COMMD10: variants seen among roughly 807,000 people sequenced by gnomAD.
The protein encoded by COMMD10 is COMM domain containing 10, also known as COMM domain-containing protein 10.
A neutral mutation model predicts 28.9 loss-of-function variants in COMMD10; 33 were observed. The observed-to-expected ratio is 1.14, with a 90% CI of 0.87 to 1.53. COMMD10 has a LOEUF of 1.53. Ranked by LOEUF, COMMD10 falls within the 40% of genes most tolerant of loss-of-function variation. The pLI, the probability that COMMD10 is intolerant of heterozygous loss-of-function variation, is 0.00. For synonymous variants in COMMD10, 110 were observed against 81.7 expected, an observed-to-expected ratio of 1.35 and a Z score of -1.87; for missense variants, 310 against 233.4, an observed-to-expected ratio of 1.33 and a Z score of -2.14.
At chr5:116,157,953 T>G (rs1215195245) in intron 5 of COMMD10, among the ~76,000 whole-genome samples, 2 of 151,164 alleles carry the variant, frequency 1.3e-5, no homozygotes, top group Non-Finnish European at 2.9e-5. Flanking sequence ...TTTTTTTTTT[T>G]TAGTCAACCA....
intron 5 of COMMD10, among the ~76,000 whole-genome samples, chr5:116,290,532 A>C (rs1751335667): frequency 6.6e-6 from 1 of 151,884 alleles, no homozygotes; most frequent in African/African-American, 2.4e-5. Flanking sequence ...TTGTAAATAG[A>C]AATGGAAATC....
intron 5 of COMMD10, among the ~76,000 whole-genome samples, chr5:116,137,717 A>G (rs1000512707): frequency 6.6e-6 from 1 of 151,972 alleles, no homozygotes; most frequent in Non-Finnish European, 1.5e-5. Context: ...GTGAAGTTTT[A>G]ATTGCTATCA....
chr5:116,193,899 G>A (rs577286371), intron 5 of COMMD10, among the ~76,000 whole-genome samples: 117 of 152,110 alleles, frequency 7.7e-4, no homozygotes, highest in Admixed American at 7.6e-3. Flanking sequence ...TTCCAAGATA[G>A]ACCATATAAT....
chr5:116,162,525 A>G (rs934432522), intron 5 of COMMD10, among the ~76,000 whole-genome samples: 84 of 152,340 alleles, frequency 5.5e-4, no homozygotes, highest in African/African-American at 1.9e-3. Context: ...GACTGCTACT[A>G]CATAGTAGCA....
intron 5 of COMMD10, among the ~76,000 whole-genome samples, chr5:116,251,829 A>G (rs1750127873): frequency 6.6e-6 from 1 of 152,142 alleles, no homozygotes; most frequent in African/African-American, 2.4e-5. Context: ...TGGCTGGATC[A>G]CATGGTATTT....
At chr5:116,221,059 T>G (rs983242246) in intron 5 of COMMD10, among the ~76,000 whole-genome samples, 8 of 150,274 alleles carry the variant, frequency 5.3e-5, no homozygotes. Flanking sequence ...TATGAAACAT[T>G]AAGTTTTCCC....
chr5:116,168,110 A>G (rs1339153047), intron 5 of COMMD10, among the ~76,000 whole-genome samples: 4 of 149,346 alleles, frequency 2.7e-5, no homozygotes, highest in Non-Finnish European at 4.4e-5. Context: ...AGACACACAT[A>G]GGCTCAAAAC....
At chr5:116,287,687 G>A (rs899063418) in intron 5 of COMMD10, among the ~76,000 whole-genome samples, 1 of 150,514 alleles carries the variant, frequency 6.6e-6, no homozygotes, top group Admixed American at 6.6e-5. Context: ...TTTTTTTCTA[G>A]TGGTATGCTT....
intron 5 of COMMD10, among the ~76,000 whole-genome samples, chr5:116,280,000 A>G (rs2112707009): frequency 6.6e-6 from 1 of 152,002 alleles, no homozygotes; most frequent in Non-Finnish European, 1.5e-5. Flanking sequence ...TATACAGGTG[A>G]AAGTGCTATA....
chr5:116,271,364 C>T (rs1157246278), intron 5 of COMMD10, among the ~76,000 whole-genome samples: 1 of 148,016 alleles, frequency 6.8e-6, no homozygotes, highest in African/African-American at 2.5e-5. Flanking sequence ...ATTCCTATAT[C>T]TTTATATTAT....
intron 4 of COMMD10, among the ~76,000 whole-genome samples, chr5:116,103,424 G>C (rs1750730435): frequency 6.6e-6 from 1 of 152,214 alleles, no homozygotes; most frequent in Non-Finnish European, 1.5e-5. Flanking sequence ...GACCAGTGGT[G>C]ATGAGCTTTT....
At chr5:116,264,173 G>T (rs1253940214) in intron 5 of COMMD10, among the ~76,000 whole-genome samples, 2 of 151,652 alleles carry the variant, frequency 1.3e-5, no homozygotes, top group East Asian at 3.9e-4. Flanking sequence ...GAGCCATCTG[G>T]CTCTGCTTTC....
At chr5:116,269,816 G>A (rs1035122419) in intron 5 of COMMD10, among the ~76,000 whole-genome samples, 1 of 151,680 alleles carries the variant, frequency 6.6e-6, no homozygotes, top group Admixed American at 6.6e-5. Flanking sequence ...AGTCTGACTT[G>A]CCAGTCTTAC....
At chr5:116,237,195 T>C (rs1749690707) in intron 5 of COMMD10, among the ~76,000 whole-genome samples, 1 of 151,984 alleles carries the variant, frequency 6.6e-6, no homozygotes, top group South Asian at 2.1e-4. Flanking sequence ...AGCAGGTTAA[T>C]GTGGCTCAAG....
At chr5:116,085,292 G>C (rs920997808) in intron 1 of COMMD10, 199 bp downstream of exon 1, 6 of 585,978 alleles carry the variant, frequency 1.0e-5, no homozygotes, top group Non-Finnish European at 1.5e-5. Flanking sequence ...CAGTCACGGT[G>C]GTCCACCTGT....
chr5:116,168,603 A>T (rs1038311905), intron 5 of COMMD10, among the ~76,000 whole-genome samples: 4 of 152,202 alleles, frequency 2.6e-5, no homozygotes, highest in African/African-American at 9.6e-5. Context: ...TCCTCAGCAA[A>T]TGCAAAAGAA....
At position 116,225,376 on chromosome 5, in the gene COMMD10, A is replaced by T. The variant is rs1326093482; in HGVS notation, c.511-66141A>T. 2.8e-3 allele frequency among the ~76,000 whole-genome samples: 284 copies of T among 102,074 alleles called. 1 individual carries two copies. The highest frequency in any genetic ancestry group is 9.1e-3 in the Middle Eastern group (1 of 110). The allele number at this position is 102,074 out of a possible 152,430, so 67.0% of individuals were successfully genotyped here. ...GGGATTTTTTTTTTTTTTTTTGCATATGTAGAAATTTCTGGTTGAAAACTA... is the reference window on the plus strand; with the variant it reads ...GGGATTTTTTTTTTTTTTTTTGCATTTGTAGAAATTTCTGGTTGAAAACTA... On this transcript the variant is annotated intron_variant, in intron 5 of 6. Transcript: ENST00000274458.
At chr5:116,087,735 G>C (rs1750155238) in intron 2 of COMMD10, 148 bp downstream of exon 2, 1 of 609,454 alleles carries the variant, frequency 1.6e-6, no homozygotes, top group East Asian at 2.8e-5. Context: ...AATGTTTCAT[G>C]GTCAGAAGTT....
chr5:116,118,166 G>A, intron 4 of COMMD10, among the ~76,000 whole-genome samples: 1 of 152,142 alleles, frequency 6.6e-6, no homozygotes, highest in East Asian at 1.9e-4. Flanking sequence ...TTTTCCAGCT[G>A]ATTGTTTAAA....
Sources: allele counts gnomAD v4.1 joint callset (sites outside exome capture counted in the v4.1 genomes callset), GRCh38; gene constraint gnomAD v4.1.1; transcripts MANE v1.5; gene names NCBI Gene and HGNC (gene_info 2026-07-23, HGNC 2026-07-21).